RBFOX1: variants seen among roughly 807,000 people sequenced by gnomAD.
RBFOX1 encodes RNA binding fox-1 homolog 1.
A neutral mutation model predicts 57.7 loss-of-function variants in RBFOX1; 8 were observed. The ratio of observed to expected loss-of-function variants is 0.14; its 90% CI spans 0.08 to 0.25. The LOEUF is 0.25. RBFOX1 is among the 10% of genes least tolerant of loss of function. The pLI, the probability that RBFOX1 is intolerant of heterozygous loss-of-function variation, is 1.00. For missense variants in RBFOX1, 611 were observed against 548.5 expected, an observed-to-expected ratio of 1.11 and a Z score of -1.14; for synonymous variants, 326 against 222.4, an observed-to-expected ratio of 1.47 and a Z score of -4.15.
chr16:7,131,211 T>C (rs908921248), intron 4 of RBFOX1, among the ~76,000 whole-genome samples: 5 of 151,888 alleles, frequency 3.3e-5, no homozygotes, highest in African/African-American at 4.8e-5. Flanking sequence ...CCAGGTGTGG[T>C]ATCGCACACC....
intron 4 of RBFOX1, among the ~76,000 whole-genome samples, chr16:7,199,326 G>GT (rs2087667185): frequency 8.1e-6 from 1 of 122,920 alleles, no homozygotes; most frequent in Non-Finnish European, 1.9e-5. Context: ...GTGTTTAAAG[G>GT]GTTTTTTTTC....
At chr16:5,430,685 G>T (rs1251842080) in intron 1 of RBFOX1, among the ~76,000 whole-genome samples, 1 of 152,210 alleles carries the variant, frequency 6.6e-6, no homozygotes, top group Admixed American at 6.5e-5. Flanking sequence ...GTATTTTTAG[G>T]TGTAAGCAGT....
chr16:6,951,614 C>G (rs1030202486), intron 3 of RBFOX1, among the ~76,000 whole-genome samples: 6 of 152,058 alleles, frequency 3.9e-5, no homozygotes, highest in African/African-American at 1.5e-4. Flanking sequence ...GTGGTTTTTT[C>G]TCATGGTGAT....
intron 2 of RBFOX1, among the ~76,000 whole-genome samples, chr16:6,420,470 C>T (rs1334928127): frequency 6.6e-6 from 1 of 151,660 alleles, no homozygotes; most frequent in Admixed American, 6.6e-5. Context: ...CAAGGATGAA[C>T]AAAGAAAATG....
At chr16:5,548,999 T>C (rs896739999) in intron 2 of RBFOX1, among the ~76,000 whole-genome samples, 1 of 152,206 alleles carries the variant, frequency 6.6e-6, no homozygotes, top group Non-Finnish European at 1.5e-5. Flanking sequence ...TTTTATTGGA[T>C]GTGGATGCTG....
Position 5,635,440 on chromosome 16 carries a change from G to A in RBFOX1, c.318+36479G>A, listed in dbSNP as rs796246035. Among the ~76,000 whole-genome samples, 4 of 152,212 alleles carry A rather than the reference G, an allele frequency of 2.6e-5. No homozygotes were observed. The South Asian group carries it at 8.3e-4, about 32-fold the overall frequency. ...CATTCCTCATGGAGTTAAGCTGAAA[G>A]TTAAAGAGAATGAAACTAGGGCCGG... On this transcript the variant is annotated intron_variant, in intron 3 of 19. Transcript: ENST00000641259.
intron 1 of RBFOX1, among the ~76,000 whole-genome samples, chr16:5,268,155 C>T (rs1315307963): frequency 6.6e-6 from 1 of 152,016 alleles, no homozygotes; most frequent in Non-Finnish European, 1.5e-5. Context: ...AGCCCAAGGT[C>T]TGGCTGGGCA....
intron 3 of RBFOX1, among the ~76,000 whole-genome samples, chr16:6,669,605 T>A (rs2098751945): frequency 6.6e-6 from 1 of 152,212 alleles, no homozygotes; most frequent in African/African-American, 2.4e-5. Context: ...TTAACACATC[T>A]ATCACCTCAT....
chr16:5,939,926 C>A (rs979344014), intron 4 of RBFOX1, among the ~76,000 whole-genome samples: 1 of 152,190 alleles, frequency 6.6e-6, no homozygotes, highest in Non-Finnish European at 1.5e-5. Flanking sequence ...GGGGTAGAAT[C>A]TTGACTCTAG....
Position 6,384,735 on chromosome 16 carries a change from G to C in RBFOX1, c.-64+67678G>C, listed in dbSNP as rs752486026. Among the ~76,000 whole-genome samples the C allele has an allele frequency of 1.1e-3, 172 of 152,190 alleles. 1 individual carries two copies. Among genetic ancestry groups the C allele is most frequent in the African/African-American group, 4.0e-3 (165 of 41,436 alleles). ...GTGCCTCCATCTCAGAGTGTGTGTG[G>C]ATGTGGCTTTTTAATTAAAGACCAA... On this transcript the variant is annotated intron_variant, in intron 2 of 15. Coordinates refer to ENST00000550418, the MANE Select transcript of RBFOX1 (RefSeq NM_018723.4).
At chr16:5,725,389 A>G (rs990173020) in intron 3 of RBFOX1, among the ~76,000 whole-genome samples, 6 of 152,178 alleles carry the variant, frequency 3.9e-5, no homozygotes, top group East Asian at 1.9e-4. Flanking sequence ...AACTACAGGC[A>G]TGCACCACTG....
intron 11 of RBFOX1, 142 bp downstream of exon 11, chr16:7,630,825 C>T: frequency 2.8e-6 from 4 of 1,448,442 alleles, no homozygotes; most frequent in South Asian, 2.9e-5. Context: ...TTTTCATAAG[C>T]ATGTCTGTCT....
intron 14 of RBFOX1, among the ~76,000 whole-genome samples, chr16:7,706,103 A>C (rs143260719): frequency 3.3e-5 from 5 of 152,136 alleles, no homozygotes; most frequent in Non-Finnish European, 7.3e-5. Flanking sequence ...CGTGCTTGGC[A>C]TATCTGCTGC....
At chr16:5,716,283 G>C (rs1297062262) in intron 3 of RBFOX1, among the ~76,000 whole-genome samples, 1 of 152,106 alleles carries the variant, frequency 6.6e-6, no homozygotes, top group Non-Finnish European at 1.5e-5. Flanking sequence ...ATAAGTTCAG[G>C]GGTGCAAGTA....
At chr16:6,678,370 C>G (rs1378344587) in intron 3 of RBFOX1, among the ~76,000 whole-genome samples, 1 of 151,994 alleles carries the variant, frequency 6.6e-6, no homozygotes, top group Non-Finnish European at 1.5e-5. Context: ...GTCATCTACC[C>G]AACTCAGCCT....
intron 2 of RBFOX1, chr16:6,483,760 C>T: frequency 1.4e-6 from 2 of 1,419,466 alleles, no homozygotes; most frequent in Non-Finnish European, 1.8e-6. Flanking sequence ...GAGCAGCCGT[C>T]AGCCGCTGTC....
intron 3 of RBFOX1, among the ~76,000 whole-genome samples, chr16:7,002,100 AT>A (rs113501170): frequency 1.3e-5 from 2 of 151,078 alleles, no homozygotes; most frequent in Admixed American, 6.6e-5. Flanking sequence ...CTATGGAGAA[AT>A]TTTTTTTTCT....
At chr16:7,221,426 G>C (rs901757536) in intron 4 of RBFOX1, among the ~76,000 whole-genome samples, 3 of 151,566 alleles carry the variant, frequency 2.0e-5, no homozygotes, top group African/African-American at 7.3e-5. Context: ...GAGTGCAGTG[G>C]CCCAATCTTG....
intron 3 of RBFOX1, among the ~76,000 whole-genome samples, chr16:6,976,762 A>G (rs1183046635): frequency 3.7e-5 from 5 of 134,582 alleles, no homozygotes; most frequent in African/African-American, 1.4e-4. Flanking sequence ...TCATACATAT[A>G]TATCGTATGA....
Sources: gnomAD v4.1 joint callset for allele counts (sites outside exome capture counted in the v4.1 genomes callset) on GRCh38, gnomAD v4.1.1 for gene constraint, MANE v1.5 for transcripts, NCBI Gene and HGNC (gene_info 2026-07-23, HGNC 2026-07-21) for gene names.